SUPT5H: variants seen among roughly 807,000 people sequenced by gnomAD.
SUPT5H encodes SPT5 homolog, DSIF elongation factor subunit.
SUPT5H carries 24 observed loss-of-function variants against 142.5 expected under a neutral mutation model. The ratio of observed to expected loss-of-function variants is 0.17; its 90% confidence interval spans 0.12 to 0.24. The LOEUF (loss-of-function observed/expected upper bound fraction) is 0.24, where lower values mean the gene tolerates loss of function less well. SUPT5H is among the 10% of genes least tolerant of loss of function. The pLI, the probability that SUPT5H is intolerant of heterozygous loss-of-function variation, is 1.00. For synonymous variants in SUPT5H, 546 were observed against 553.0 expected (o/e 0.99, Z 0.18); for missense variants, 893 against 1,471.8 (o/e 0.61, Z 6.43).
In SUPT5H at chr19:39,469,469, C is replaced by T. The variant is rs1406704676; in HGVS notation, c.1374+71C>T. The T allele has an allele frequency of 6.2e-6, 10 of 1,600,084 alleles. No homozygotes were observed. The highest frequency in any genetic ancestry group is 5.1e-5 in the Admixed American group (3 of 59,402). ...ATCTGACTGTATGTGGCTGTCGAGG[C>T]GGTGGTGTGCCTGGTGACACCTGGT... is the stretch of plus-strand genomic sequence containing the variant. On this transcript the variant is annotated intron_variant, in intron 16 of 29. Transcript: ENST00000432763. This position sits in a 1 kb window ranked among gnomAD's most constrained non-coding sequence, Gnocchi z 5.1.
chr19:39,456,875 T>C (rs571993736), intron 3 of SUPT5H, among the ~76,000 whole-genome samples: 18 of 152,310 alleles, frequency 1.2e-4, no homozygotes, highest in Admixed American at 9.8e-4. Context: ...GGATTTCATA[T>C]ATGTACACAG....
At position 39,470,636 on chromosome 19, in the gene SUPT5H, G is replaced by C. The variant is rs1472917344; in HGVS notation, c.1677+113G>C. On this transcript the variant is annotated intron_variant, in intron 18 of 29. Transcript: ENST00000432763. This position sits in a 1 kb window ranked among gnomAD's most constrained non-coding sequence, Gnocchi z 5.8. ...CAGACTGCTCTGGGTTGCAGATCTGGCTCTGTCACTTACATCTGAATGGCT... is the reference window on the plus strand; with the variant it reads ...CAGACTGCTCTGGGTTGCAGATCTGCCTCTGTCACTTACATCTGAATGGCT... 8.0e-7 allele frequency: 1 copy of C among 1,248,902 alleles called. No individual in the cohort carries two copies. Among genetic ancestry groups the C allele is most frequent in the Non-Finnish European group, 1.1e-6 (1 of 925,828 alleles). The allele number at this position is 1,248,902 out of a possible 1,614,324, so 77.4% of individuals were successfully genotyped here. A position where few individuals can be genotyped will look rare whatever the true frequency, so the allele number is the denominator to read the frequency against.
At chr19:39,464,654 G>A in intron 10 of SUPT5H, 144 bp from the exon 11 acceptor site, 1 of 1,228,242 alleles carries the variant, frequency 8.1e-7, no homozygotes, top group Non-Finnish European at 1.1e-6. Flanking sequence ...AATTCTGCAG[G>A]GAACACCTTT....
intron 13 of SUPT5H, chr19:39,468,328 C>T: frequency 5.1e-6 from 1 of 195,790 alleles, no homozygotes; most frequent in Non-Finnish European, 1.1e-5. Flanking sequence ...CATGAGTGTG[C>T]AGGCCAGGCT....
intron 2 of SUPT5H, among the ~76,000 whole-genome samples, chr19:39,449,262 TG>T (rs1024316895): frequency 9.9e-5 from 15 of 151,450 alleles, no homozygotes; most frequent in African/African-American, 3.6e-4. Context: ...CAGAGAGTGG[TG>T]GGGGCATCCT....
At chr19:39,450,421 G>A (rs775509552) in intron 2 of SUPT5H, among the ~76,000 whole-genome samples, 8 of 152,292 alleles carry the variant, frequency 5.3e-5, no homozygotes, top group South Asian at 4.1e-4. Context: ...GATTACAGGC[G>A]CATGCCACTG....
intron 3 of SUPT5H, among the ~76,000 whole-genome samples, chr19:39,457,196 C>T (rs1055221578): frequency 4.6e-5 from 7 of 152,158 alleles, no homozygotes; most frequent in African/African-American, 1.2e-4. Flanking sequence ...ATAGGAACAA[C>T]GATAGTGCCT....
Position 39,469,678 on chromosome 19 carries a change from T to A in SUPT5H, c.1374+280T>A. The A allele has an allele frequency of 1.8e-5, 9 of 499,400 alleles. No homozygotes were observed. The highest frequency in any genetic ancestry group is 1.1e-4 in the East Asian group (3 of 26,682). 30.9% of individuals were successfully genotyped at this position (499,400 alleles called of 1,614,324 possible). On this transcript the variant is annotated intron_variant, in intron 16 of 29. Coordinates refer to ENST00000432763, the MANE Select transcript of SUPT5H (RefSeq NM_001111020.3). The surrounding 1 kb of genome is among the most constrained non-coding windows in gnomAD (Gnocchi z 5.1). ...GGGTAGTACTGGGTTGAGAGTGTGA[T>A]TAACCAAGGAGTAATCTGAGGCTTG...
intron 13 of SUPT5H, chr19:39,467,445 T>A (rs2079257295): frequency 6.6e-6 from 1 of 152,240 alleles, no homozygotes; most frequent in African/African-American, 2.4e-5. Context: ...TTAAATAAAT[T>A]AGTATGCATA....
In SUPT5H at chr19:39,458,900, G is replaced by C; in HGVS notation, c.389+13G>C. The C allele has an allele frequency of 6.2e-7, 1 of 1,613,800 alleles. No individual in the cohort carries two copies. The highest frequency in any genetic ancestry group is 1.1e-5 in the South Asian group (1 of 91,038). ...AAAACCTCTGGAGGTGGGCAAGGAAGGGAAACGTGGTGGGATTGGCTCCTG... is the reference window on the plus strand; with the variant it reads ...AAAACCTCTGGAGGTGGGCAAGGAACGGAAACGTGGTGGGATTGGCTCCTG... On this transcript the variant is annotated intron_variant, in intron 6 of 29. Transcript: ENST00000432763. This position sits in a 1 kb window ranked among gnomAD's most constrained non-coding sequence, Gnocchi z 4.2.
rs923728787 is a variant in SUPT5H at position 39,469,427 on chromosome 19, T to C, written c.1374+29T>C. 6 of 1,613,880 alleles carry C rather than the reference T, an allele frequency of 3.7e-6. No individual in the cohort carries two copies. The highest frequency in any genetic ancestry group is 5.1e-6 in the Non-Finnish European group (6 of 1,179,966). On this transcript the variant is annotated intron_variant, in intron 16 of 29. Coordinates refer to ENST00000432763, the MANE Select transcript of SUPT5H (RefSeq NM_001111020.3). This position sits in a 1 kb window ranked among gnomAD's most constrained non-coding sequence, Gnocchi z 5.1. ...GGTGCCCGGTGTTCTCGGGCAGGGG[T>C]TGGAGTGTTCAGGCACATCTGACTG...
chr19:39,455,742 C>T (rs2079079716), intron 3 of SUPT5H, among the ~76,000 whole-genome samples: 1 of 150,938 alleles, frequency 6.6e-6, no homozygotes, highest in Non-Finnish European at 1.5e-5. Flanking sequence ...CCTGCCTCAG[C>T]TTCCCGAGTA....
Position 39,472,498 on chromosome 19 carries a change from G to A in SUPT5H, c.2035+5G>A. 1 of 1,613,886 alleles carries A rather than the reference G, an allele frequency of 6.2e-7. No individual in the cohort carries two copies. Among genetic ancestry groups the A allele is most frequent in the African/African-American group, 1.3e-5 (1 of 75,046 alleles). ...CCATGCACCCCAGTGCTGGAGGTGA[G>A]AGGGGTTCAGGGTCAGGGGATGTGG... On this transcript the variant is annotated splice_donor_5th_base_variant and intron_variant, in intron 21 of 29. Transcript: ENST00000432763. This position sits in a 1 kb window ranked among gnomAD's most constrained non-coding sequence, Gnocchi z 4.2.
At position 39,466,204 on chromosome 19, in the gene SUPT5H, C is replaced by T. The variant is rs1053209684; in HGVS notation, c.877-276C>T. 1.3e-5 allele frequency among the ~76,000 whole-genome samples: 2 copies of T among 152,014 alleles called. No individual in the cohort carries two copies. The highest frequency in any genetic ancestry group is 2.4e-5 in the African/African-American group (1 of 41,388). ...GCAGAGGGAAGAATGGAGTGGGAGG[C>T]GGCAGGTTTGGGGGAATCAGCGGTT... On this transcript the variant is annotated intron_variant, in intron 11 of 29. Transcript: ENST00000432763. The surrounding 1 kb of genome is among the most constrained non-coding windows in gnomAD (Gnocchi z 4.3).
rs745356627 is a variant in SUPT5H at position 39,471,623 on chromosome 19, C to G, written c.1843C>G (p.Arg615Gly). The change falls in exon 20 of 30, where the codon CGC becomes GGC. Residue 615 changes from arginine to glycine, a missense_variant. By Grantham distance (125) the Arg-to-Gly change is moderately radical. Transcript: ENST00000432763. ...CGGCTAGGGCCGAGAAGGGGAGATTCGCCATCTCTTCCGAAGCTTCGCCTT... is the reference window on the plus strand; with the variant it reads ...CGGCTAGGGCCGAGAAGGGGAGATTGGCCATCTCTTCCGAAGCTTCGCCTT... ...GPHSGREGEI[R>G]HLFRSFAFLH... The G allele has an allele frequency of 1.2e-6, 2 of 1,614,194 alleles. No homozygotes were observed. Among genetic ancestry groups the G allele is most frequent in the South Asian group, 1.1e-5 (1 of 91,088 alleles).
In SUPT5H at chr19:39,471,514, G is replaced by C. The variant is rs751319413; in HGVS notation, c.1824+11G>C. Reference sequence around the variant, plus strand: ...GATGGCCCCCACTCAGTGAGTACAAGTTCCTGCTTTTGAGCTGCATCTGAA... The same window carrying C: ...GATGGCCCCCACTCAGTGAGTACAACTTCCTGCTTTTGAGCTGCATCTGAA... On this transcript the variant is annotated intron_variant, in intron 19 of 29. Transcript: ENST00000432763. 3 of 1,614,186 alleles carry C rather than the reference G, an allele frequency of 1.9e-6. No homozygotes were observed. Among genetic ancestry groups the C allele is most frequent in the Non-Finnish European group, 2.5e-6 (3 of 1,180,002 alleles).
At chr19:39,446,042 C>T (rs2078949512) in intron 2 of SUPT5H, 77 bp downstream of exon 2, 8 of 1,485,120 alleles carry the variant, frequency 5.4e-6, no homozygotes, top group Admixed American at 3.9e-5. Context: ...GTGGGAGGCT[C>T]GAGGGGTTCA....
In SUPT5H at chr19:39,466,557, C is replaced by T. The variant is rs1396794113; in HGVS notation, c.954C>T (p.Ala318=). 3.1e-6 allele frequency: 5 copies of T among 1,614,104 alleles called. No individual in the cohort carries two copies. The highest frequency in any genetic ancestry group is 2.2e-5 in the East Asian group (1 of 44,868). The change falls in exon 12 of 30, where the codon GCC becomes GCT. Residue 318 remains alanine (A), a synonymous_variant. Coordinates refer to ENST00000432763, the MANE Select transcript of SUPT5H (RefSeq NM_001111020.3). This position sits in a 1 kb window ranked among gnomAD's most constrained non-coding sequence, Gnocchi z 4.3. The part of the protein sequence containing the change: ...IPRIDYDRIK[A]RMSLKDWFAK... The stretch of plus-strand genomic sequence containing the variant: ...GCATCGACTACGATCGCATCAAGGC[C>T]CGCATGAGCTTGGTACTCAGGGGAA...
At chr19:39,460,230 T>C in intron 10 of SUPT5H, 1 of 456,778 alleles carries the variant, frequency 2.2e-6, no homozygotes, top group Non-Finnish European at 4.0e-6. Context: ...GCACCTTTTC[T>C]TCATGAGAGT....
Sources: gnomAD v4.1 joint callset for allele counts (sites outside exome capture counted in the v4.1 genomes callset) on GRCh38, gnomAD v4.1.1 for gene constraint, Gnocchi (gnomAD v3.1) non-coding constraint, MANE v1.5 for transcripts, NCBI Gene and HGNC (gene_info 2026-07-23, HGNC 2026-07-21) for gene names.